The following ACER2 variants were observed in gnomAD, a reference collection of about 807,000 sequenced individuals.
The protein encoded by ACER2 is alkaline ceramidase 2, also known as alkCDase 2.
Under a neutral mutation model 34.7 loss-of-function variants are expected in ACER2, and 26 were observed. The observed-to-expected ratio is 0.75, with a 90% confidence interval of 0.55 to 1.04. The LOEUF (loss-of-function observed/expected upper bound fraction) is 1.04, where lower values mean the gene tolerates loss of function less well. Among genes scored for constraint, ACER2 ranks in the 50% least tolerant of loss-of-function variants. The pLI is 0.00. For synonymous variants in ACER2, 138 were observed against 132.1 expected, an observed-to-expected ratio of 1.04 and a Z score of -0.31; for missense variants, 352 against 340.8, an observed-to-expected ratio of 1.03 and a Z score of -0.26.
intron 1 of ACER2, among the ~76,000 whole-genome samples, chr9:19,410,904 A>G (rs1050178232): frequency 6.6e-6 from 1 of 152,190 alleles, no homozygotes; most frequent in African/African-American, 2.4e-5. Context: ...TAAAGAATAT[A>G]GTGAAAGAGT....
rs1831562367 is a variant in ACER2, at chr9:19,451,337, TAAAC to T, written c.*705_*708del. On this transcript the variant is annotated 3_prime_UTR_variant, in exon 6 of 6. Transcript: ENST00000340967. Reference sequence around the variant, plus strand: ...GATTTTCCTTTGGGGTAATTGTCCTTAAACAAAACCAAACAGATGAAACACACAC... The same window carrying T: ...GATTTTCCTTTGGGGTAATTGTCCTTAAAACCAAACAGATGAAACACACAC... 1 of 152,650 alleles carries T rather than the reference TAAAC, an allele frequency of 6.6e-6. No individual in the cohort carries two copies. The highest frequency in any genetic ancestry group is 6.5e-5 in the Admixed American group (1 of 15,278). The allele number at this position is 152,650 out of a possible 1,614,324, so 9.5% of individuals were successfully genotyped here.
Position 19,429,031 on chromosome 9 carries a change from G to A in ACER2, c.365+4190G>A, listed in dbSNP as rs369542484. ...TCTCGAACTCCTGACCTCATGATCC[G>A]CTCGCCTCGGCCTCCCAAAGTGCTG... On this transcript the variant is annotated intron_variant, in intron 3 of 5. Coordinates refer to ENST00000340967, the MANE Select transcript of ACER2 (RefSeq NM_001010887.3). Among the ~76,000 whole-genome samples, 15 of 151,656 alleles carry A rather than the reference G, an allele frequency of 9.9e-5. No individual in the cohort carries two copies. The South Asian group carries it at 1.5e-3, about 15-fold the overall frequency.
intron 1 of ACER2, among the ~76,000 whole-genome samples, chr9:19,412,188 G>A (rs1830106188): frequency 6.6e-6 from 1 of 151,952 alleles, no homozygotes. Context: ...TTTTTGATAG[G>A]AAAAAAGTTT....
At chr9:19,434,235 C>A (rs1252914390) in intron 3 of ACER2, among the ~76,000 whole-genome samples, 3 of 151,720 alleles carry the variant, frequency 2.0e-5, no homozygotes, top group African/African-American at 4.9e-5. Context: ...AAGAGGCGCT[C>A]CTCACTTCCC....
At chr9:19,409,694 C>G in intron 1 of ACER2, 1 of 974,946 alleles carries the variant, frequency 1.0e-6, no homozygotes, top group Non-Finnish European at 1.2e-6. Context: ...GCCCCACCCC[C>G]AAGAACATGC....
chr9:19,438,407 C>T (rs1309939485), intron 4 of ACER2, among the ~76,000 whole-genome samples: 1 of 152,184 alleles, frequency 6.6e-6, no homozygotes, highest in Non-Finnish European at 1.5e-5. Context: ...CAGGAACTCT[C>T]CCTAATGTGC....
At chr9:19,440,253 C>T (rs1359553569) in intron 4 of ACER2, among the ~76,000 whole-genome samples, 1 of 152,210 alleles carries the variant, frequency 6.6e-6, no homozygotes, top group Non-Finnish European at 1.5e-5. Flanking sequence ...TTTTCAGTCT[C>T]TTGCGTAGAC....
At chr9:19,418,121 G>T (rs1589036216) in intron 1 of ACER2, among the ~76,000 whole-genome samples, 1 of 152,206 alleles carries the variant, frequency 6.6e-6, no homozygotes, top group African/African-American at 2.4e-5. Context: ...GGTCATTAGA[G>T]AAATGCAAAT....
intron 4 of ACER2, among the ~76,000 whole-genome samples, chr9:19,436,083 CT>C (rs78161264): frequency 1.0e-3 from 148 of 143,516 alleles, no homozygotes; most frequent in Non-Finnish European, 8.5e-4. Flanking sequence ...GAAAGCCCTT[CT>C]TTTTTTTTTT....
intron 1 of ACER2, among the ~76,000 whole-genome samples, chr9:19,423,305 G>A (rs1830463402): frequency 6.6e-6 from 1 of 152,222 alleles, no homozygotes; most frequent in South Asian, 2.1e-4. Context: ...ATAGACTGCA[G>A]TGTTTTTATA....
chr9:19,450,912 A>T lies in ACER2; in HGVS notation c.*276A>T, dbSNP rs1831549641. ...ACTGGTTTTAAACTTTCATGTTGTC[A>T]CATCTGTTAATCTTTTCTTTAGGAT... On this transcript the variant is annotated 3_prime_UTR_variant, in exon 6 of 6. Coordinates refer to ENST00000340967, the MANE Select transcript of ACER2 (RefSeq NM_001010887.3). 3.8e-6 allele frequency: 1 copy of T among 262,660 alleles called. No homozygotes were observed. Among genetic ancestry groups the T allele is most frequent in the African/African-American group, 2.2e-5 (1 of 45,202 alleles). 16.3% of individuals were successfully genotyped at this position (262,660 alleles called of 1,614,324 possible). A position where few individuals can be genotyped will look rare whatever the true frequency, so the allele number is the denominator to read the frequency against.
intron 4 of ACER2, among the ~76,000 whole-genome samples, chr9:19,441,057 T>C (rs1338397103): frequency 6.6e-6 from 1 of 150,906 alleles, no homozygotes; most frequent in Non-Finnish European, 1.5e-5. Flanking sequence ...TCTTTTTTTT[T>C]TTTTTTTTGA....
At chr9:19,416,611 C>T (rs575827175) in intron 1 of ACER2, among the ~76,000 whole-genome samples, 268 of 150,622 alleles carry the variant, frequency 1.8e-3, no homozygotes, top group African/African-American at 6.0e-3. Flanking sequence ...CTGCAACCTC[C>T]GCCTCCCGGG....
At chr9:19,441,387 A>C (rs1286382799) in intron 4 of ACER2, among the ~76,000 whole-genome samples, 2 of 152,076 alleles carry the variant, frequency 1.3e-5, no homozygotes, top group Admixed American at 1.3e-4. Context: ...TGTTGCAATG[A>C]AGATAAAGTT....
At chr9:19,434,881 C>T (rs1830908940) in intron 3 of ACER2, 66 bp from the exon 4 acceptor site, 1 of 1,592,230 alleles carries the variant, frequency 6.3e-7, no homozygotes, top group Non-Finnish European at 8.6e-7. Flanking sequence ...ACCTTGCTAA[C>T]ATTAAACAAA....
intron 1 of ACER2, among the ~76,000 whole-genome samples, chr9:19,417,557 A>G (rs1185465210): frequency 6.6e-6 from 1 of 152,238 alleles, no homozygotes; most frequent in Admixed American, 6.5e-5. Context: ...CTCAGAAATA[A>G]TGTCACACAT....
At chr9:19,410,790 G>C (rs1020047695) in intron 1 of ACER2, among the ~76,000 whole-genome samples, 18 of 152,230 alleles carry the variant, frequency 1.2e-4, no homozygotes, top group Admixed American at 1.1e-3. Context: ...CCCAGAGCAT[G>C]CTGTCAGGGG....
At chr9:19,448,590 G>T (rs1002019095) in intron 5 of ACER2, among the ~76,000 whole-genome samples, 7 of 152,028 alleles carry the variant, frequency 4.6e-5, no homozygotes, top group Non-Finnish European at 7.4e-5. Flanking sequence ...ATTATATATT[G>T]CTAAATCCAG....
At chr9:19,411,189 G>C (rs553695010) in intron 1 of ACER2, among the ~76,000 whole-genome samples, 13 of 152,244 alleles carry the variant, frequency 8.5e-5, no homozygotes, top group Non-Finnish European at 1.6e-4. Flanking sequence ...ACTAACTGTT[G>C]ATCTTCAGCT....
Sources: gnomAD v4.1 joint callset for allele counts (sites outside exome capture counted in the v4.1 genomes callset) on GRCh38, gnomAD v4.1.1 for gene constraint, MANE v1.5 for transcripts, NCBI Gene and HGNC (gene_info 2026-07-23, HGNC 2026-07-21) for gene names.